The following MYLK4 variants were observed in gnomAD, a reference collection of about 807,000 sequenced individuals.
The protein encoded by MYLK4 is caMLCK like.
Under a neutral mutation model 48.1 loss-of-function variants are expected in MYLK4, and 46 were observed. The ratio of observed to expected loss-of-function variants is 0.96; its 90% CI spans 0.75 to 1.22. MYLK4 has a LOEUF of 1.22. Among genes scored for constraint, MYLK4 ranks in the 50% most tolerant of loss-of-function variants. The pLI, the probability that MYLK4 is intolerant of heterozygous loss-of-function variation, is 0.00. For synonymous variants in MYLK4, 170 were observed against 180.8 expected (o/e 0.94, Z 0.48); for missense variants, 451 against 486.1 (o/e 0.93, Z 0.68).
chr6:2,759,090 C>A, the MYLK4 span, among the ~76,000 whole-genome samples: 50 of 152,248 alleles, frequency 3.3e-4, no homozygotes, highest in Admixed American at 1.0e-3. Context: ...AATTTCATTT[C>A]TCTTACTAAA....
intron 2 of MYLK4, among the ~76,000 whole-genome samples, chr6:2,719,807 T>A (rs1254621231): frequency 6.6e-6 from 1 of 152,092 alleles, no homozygotes; most frequent in Non-Finnish European, 1.5e-5. Context: ...GTGTGCCATA[T>A]CAGAATTCAC....
At chr6:2,742,766 C>T (rs1014739880) in intron 2 of MYLK4, among the ~76,000 whole-genome samples, 24 of 147,414 alleles carry the variant, frequency 1.6e-4, no homozygotes, top group African/African-American at 4.8e-4. Context: ...ATACCTAATG[C>T]TAAATGACGA....
At position 2,675,143 on chromosome 6, in the gene MYLK4, A is replaced by T. The variant is rs771409144; in HGVS notation, c.1041-18T>A. 13 of 1,598,806 alleles carry T rather than the reference A, an allele frequency of 8.1e-6. No homozygotes were observed. In the South Asian group the frequency reaches 1.3e-4, roughly 16 times the overall value. ...TTCGCCAACTAGAAGGAAATTCAGA[A>T]GGTGATTAGTAGAAACACACCGAAG... On this transcript the variant is annotated intron_variant, in intron 10 of 12. Transcript: ENST00000274643.
the MYLK4 span, chr6:2,770,332 T>A: frequency 6.2e-7 from 1 of 1,614,118 alleles, no homozygotes; most frequent in Non-Finnish European, 8.5e-7. Context: ...CCACTGACCC[T>A]CTGAGCCACA....
chr6:2,749,474 C>A (rs1764212874), intron 1 of MYLK4, 68 bp from the exon 2 acceptor site: 1 of 460,642 alleles, frequency 2.2e-6, no homozygotes, highest in Non-Finnish European at 3.8e-6. Flanking sequence ...GAGAAAATGA[C>A]CAGTGAGAAT....
intron 2 of MYLK4, among the ~76,000 whole-genome samples, chr6:2,727,294 CAAGGA>C (rs751349014): frequency 6.6e-5 from 10 of 152,174 alleles, no homozygotes; most frequent in Non-Finnish European, 1.2e-4. Flanking sequence ...ATTCTGCCCA[CAAGGA>C]AAGAGAAGAC....
chr6:2,678,214 C>A lies in MYLK4; in HGVS notation c.1040+6G>T. On this transcript the variant is annotated splice_donor_region_variant and intron_variant, in intron 10 of 12. Coordinates refer to ENST00000274643, the MANE Select transcript of MYLK4 (RefSeq NM_001012418.5). ...GCGCCCGGAGCACAGGACGAACTTG[C>A]GTTACCTCTTCTCCTTAATCAGAAG... 1.2e-6 allele frequency: 2 copies of A among 1,613,504 alleles called. No individual in the cohort carries two copies. The highest frequency in any genetic ancestry group is 1.7e-6 in the Non-Finnish European group (2 of 1,179,736).
chr6:2,766,536 A>G, the MYLK4 span: 1 of 1,411,168 alleles, frequency 7.1e-7, no homozygotes. Flanking sequence ...CCCTCGAAAG[A>G]AGCCGCCTGC....
chr6:2,763,705 A>G, the MYLK4 span, among the ~76,000 whole-genome samples: 1 of 152,220 alleles, frequency 6.6e-6, no homozygotes, highest in Non-Finnish European at 1.5e-5. Flanking sequence ...CCGCCCAGGA[A>G]AGAGCTCCCA....
At chr6:2,767,607 C>T in the MYLK4 span, among the ~76,000 whole-genome samples, 1 of 152,192 alleles carries the variant, frequency 6.6e-6, no homozygotes, top group Non-Finnish European at 1.5e-5. Context: ...ACGTCTGTCC[C>T]CATGGATTTA....
At chr6:2,762,878 C>G in the MYLK4 span, among the ~76,000 whole-genome samples, 99,790 of 152,098 alleles carry the variant, frequency 0.66, 33,201 homozygotes, top group Non-Finnish European at 0.71. Context: ...GGTTTGTGGT[C>G]TGACTGCCTT....
intron 2 of MYLK4, among the ~76,000 whole-genome samples, chr6:2,708,884 C>A (rs1364574538): frequency 2.0e-5 from 3 of 152,174 alleles, no homozygotes; most frequent in African/African-American, 7.2e-5. Context: ...AAAAGTTTAA[C>A]CTCCCTTCTC....
intron 11 of MYLK4, among the ~76,000 whole-genome samples, 176 bp downstream of exon 11, chr6:2,674,871 C>T (rs1761027149): frequency 6.6e-6 from 1 of 151,896 alleles, no homozygotes; most frequent in African/African-American, 2.4e-5. Flanking sequence ...AATTTTGCCT[C>T]AAAAAAAATT....
intron 2 of MYLK4, among the ~76,000 whole-genome samples, chr6:2,733,545 CG>C (rs1417919882): frequency 6.6e-6 from 1 of 152,140 alleles, no homozygotes; most frequent in Non-Finnish European, 1.5e-5. Flanking sequence ...AGGAAGCCTA[CG>C]TGGTCACAAG....
the MYLK4 span, among the ~76,000 whole-genome samples, chr6:2,767,644 G>A: frequency 1.1e-4 from 16 of 152,352 alleles, no homozygotes; most frequent in Middle Eastern, 3.4e-3. Context: ...AAGGGATTGA[G>A]CAGTATCATT....
chr6:2,693,892 G>A (rs1169579335), intron 2 of MYLK4, among the ~76,000 whole-genome samples: 1 of 151,900 alleles, frequency 6.6e-6, no homozygotes, highest in South Asian at 2.1e-4. Flanking sequence ...TGAGTAGCTG[G>A]GACTACAGGC....
At chr6:2,698,044 C>T (rs546614373) in intron 2 of MYLK4, among the ~76,000 whole-genome samples, 11 of 152,312 alleles carry the variant, frequency 7.2e-5, no homozygotes, top group Non-Finnish European at 7.4e-5. Flanking sequence ...TTTACATAGC[C>T]GATGGCCAGC....
At chr6:2,696,778 G>T (rs545021194) in intron 2 of MYLK4, among the ~76,000 whole-genome samples, 1 of 152,300 alleles carries the variant, frequency 6.6e-6, no homozygotes, top group South Asian at 2.1e-4. Context: ...AAATAAAAGT[G>T]CAGCCAGGCG....
At chr6:2,696,232 G>T (rs570794661) in intron 2 of MYLK4, among the ~76,000 whole-genome samples, 19 of 152,272 alleles carry the variant, frequency 1.2e-4, no homozygotes, top group African/African-American at 4.6e-4. Flanking sequence ...TCGTAAGTGG[G>T]ATATACGTAC....
Sources: allele counts gnomAD v4.1 joint callset (sites outside exome capture counted in the v4.1 genomes callset), GRCh38; gene constraint gnomAD v4.1.1; transcripts MANE v1.5; gene names NCBI Gene and HGNC (gene_info 2026-07-23, HGNC 2026-07-21).